The following AFF1 variants were observed in gnomAD, a reference collection of about 807,000 sequenced individuals.
The protein encoded by AFF1 is AF4/FMR2 family member 1.
Under a neutral mutation model 121.7 loss-of-function variants are expected in AFF1, and 48 were observed. The ratio of observed to expected loss-of-function variants is 0.39; its 90% CI spans 0.31 to 0.50. The LOEUF (loss-of-function observed/expected upper bound fraction) is 0.50. Among genes scored for constraint, AFF1 ranks in the 20% least tolerant of loss-of-function variants. The probability of loss-of-function intolerance (pLI) is 0.76; values close to 1 mark genes in which losing one functional copy is unlikely to be tolerated. For missense variants in AFF1, 1,523 were observed against 1,511.7 expected, an observed-to-expected ratio of 1.01 and a Z score of -0.12; for synonymous variants, 613 against 563.0, an observed-to-expected ratio of 1.09 and a Z score of -1.26.
In AFF1 at chr4:87,135,808, A is replaced by C; in HGVS notation, c.*107A>C. The stretch of plus-strand genomic sequence containing the variant: ...TCAGGACACCAAACTCTAAAAAAGA[A>C]GCACCACGAGATGGCCAGGACATTT... On this transcript the variant is annotated 3_prime_UTR_variant, in exon 21 of 21. Transcript: ENST00000395146. The C allele has an allele frequency of 7.1e-7, 1 of 1,400,382 alleles. No individual in the cohort carries two copies. The highest frequency in any genetic ancestry group is 9.4e-7 in the Non-Finnish European group (1 of 1,062,822). 86.7% of individuals were successfully genotyped at this position (1,400,382 alleles called of 1,614,324 possible). A position where few individuals can be genotyped will look rare whatever the true frequency, so the allele number is the denominator to read the frequency against.
At chr4:86,998,454 T>A (rs754156909) in intron 2 of AFF1, among the ~76,000 whole-genome samples, 1 of 152,258 alleles carries the variant, frequency 6.6e-6, no homozygotes, top group Non-Finnish European at 1.5e-5. Flanking sequence ...GTGTTCATTT[T>A]ATAACGTTTA....
chr4:87,091,836 A>G lies in AFF1; in HGVS notation c.1228+7A>G, dbSNP rs1724347375. Reference sequence around the variant, plus strand: ...TCTGTAACCCAAAACCAAAGTAAGTAAATTTGAAACTGCTTATTGGATTGG... The same window carrying G: ...TCTGTAACCCAAAACCAAAGTAAGTGAATTTGAAACTGCTTATTGGATTGG... On this transcript the variant is annotated splice_region_variant and intron_variant, in intron 7 of 20. Coordinates refer to ENST00000395146, the MANE Select transcript of AFF1 (RefSeq NM_001166693.3). 6.4e-7 allele frequency: 1 copy of G among 1,558,976 alleles called. No homozygotes were observed. Among genetic ancestry groups the G allele is most frequent in the Non-Finnish European group, 8.7e-7 (1 of 1,152,920 alleles).
At chr4:87,079,088 T>C (rs1722931672) in intron 4 of AFF1, among the ~76,000 whole-genome samples, 1 of 152,188 alleles carries the variant, frequency 6.6e-6, no homozygotes, top group Admixed American at 6.5e-5. Flanking sequence ...CAGAGCCAGA[T>C]CTAGAATCCA....
At chr4:87,078,694 T>A (rs149427418) in intron 4 of AFF1, among the ~76,000 whole-genome samples, 1 of 152,040 alleles carries the variant, frequency 6.6e-6, no homozygotes, top group East Asian at 1.9e-4. Flanking sequence ...AACTAGCGAG[T>A]TGGGGGTAGA....
At chr4:87,042,067 G>T (rs547823179) in intron 2 of AFF1, among the ~76,000 whole-genome samples, 1 of 150,466 alleles carries the variant, frequency 6.6e-6, no homozygotes, top group African/African-American at 2.4e-5. Flanking sequence ...GGTATTTGCC[G>T]CCTCCTAAAA....
intron 2 of AFF1, among the ~76,000 whole-genome samples, chr4:87,015,253 GCCT>G (rs1285796609): frequency 1.3e-5 from 2 of 152,046 alleles, no homozygotes; most frequent in African/African-American, 4.8e-5. Context: ...CTCCCCTCCA[GCCT>G]CCTTTTAGAG....
chr4:87,040,672 C>T (rs1730043674), intron 2 of AFF1, among the ~76,000 whole-genome samples: 1 of 151,168 alleles, frequency 6.6e-6, no homozygotes, highest in Non-Finnish European at 1.5e-5. Flanking sequence ...CAGGTTCAAA[C>T]AGTTCTCCTG....
At chr4:87,000,666 C>CTT (rs35729611) in intron 2 of AFF1, among the ~76,000 whole-genome samples, 20,294 of 144,736 alleles carry the variant, frequency 0.14, 1,858 homozygotes, top group Middle Eastern at 0.26. Flanking sequence ...GGAACTTGAG[C>CTT]TTGTTTGTAG....
At chr4:87,041,451 C>G (rs1031243346) in intron 2 of AFF1, among the ~76,000 whole-genome samples, 4 of 152,174 alleles carry the variant, frequency 2.6e-5, no homozygotes, top group African/African-American at 9.7e-5. Context: ...GGGCCCATGT[C>G]AGGCCTACTG....
At chr4:87,068,434 A>G (rs1395074600) in intron 4 of AFF1, among the ~76,000 whole-genome samples, 1 of 152,152 alleles carries the variant, frequency 6.6e-6, no homozygotes, top group East Asian at 1.9e-4. Flanking sequence ...TGGCTTAACT[A>G]TTTTGCTTGT....
intron 11 of AFF1, among the ~76,000 whole-genome samples, chr4:87,111,005 TTTTTTTA>T (rs1726450708): frequency 1.2e-4 from 3 of 25,284 alleles, no homozygotes; most frequent in African/African-American, 4.1e-4. Flanking sequence ...TTTATTTTTT[TTTTTTTA>T]TTTTTTTTTT....
intron 4 of AFF1, among the ~76,000 whole-genome samples, chr4:87,065,999 A>T (rs906294185): frequency 6.6e-6 from 1 of 152,164 alleles, no homozygotes; most frequent in Non-Finnish European, 1.5e-5. Context: ...TTCAAAGGAG[A>T]TTGAGGCTGG....
At chr4:86,993,196 A>G (rs1019900284) in intron 2 of AFF1, among the ~76,000 whole-genome samples, 19 of 152,218 alleles carry the variant, frequency 1.2e-4, no homozygotes, top group African/African-American at 3.9e-4. Flanking sequence ...CTTGGATTCA[A>G]ACATTTGCTA....
At chr4:87,045,089 C>T (rs1392197026) in intron 2 of AFF1, among the ~76,000 whole-genome samples, 1 of 151,714 alleles carries the variant, frequency 6.6e-6, no homozygotes, top group Non-Finnish European at 1.5e-5. Flanking sequence ...AGGCTTTTGT[C>T]AAAGGAAATA....
intron 2 of AFF1, among the ~76,000 whole-genome samples, chr4:87,040,929 G>A (rs1267251611): frequency 6.8e-5 from 9 of 131,962 alleles, no homozygotes; most frequent in African/African-American, 2.6e-4. Flanking sequence ...AGGCTGGAGT[G>A]CAGTGGCATG....
At chr4:87,011,426 A>G (rs942890743) in intron 2 of AFF1, among the ~76,000 whole-genome samples, 13 of 152,134 alleles carry the variant, frequency 8.5e-5, no homozygotes, top group African/African-American at 2.4e-4. Flanking sequence ...AGGGAGGGAA[A>G]GTTTTCCATT....
chr4:87,000,767 A>G (rs1352193413), intron 2 of AFF1, among the ~76,000 whole-genome samples: 2 of 152,112 alleles, frequency 1.3e-5, no homozygotes, highest in Non-Finnish European at 1.5e-5. Context: ...ATTAATGCAC[A>G]AATAGGAGGA....
intron 12 of AFF1, among the ~76,000 whole-genome samples, chr4:87,123,238 A>T (rs1727893752): frequency 6.6e-6 from 1 of 152,226 alleles, no homozygotes; most frequent in Admixed American, 6.5e-5. Context: ...CTAAAAGATT[A>T]CTTTAATCAA....
Position 87,047,248 on chromosome 4 carries a change from A to G in AFF1, c.713A>G (p.His238Arg), listed in dbSNP as rs769660235. 2 of 1,614,202 alleles carry G rather than the reference A, an allele frequency of 1.2e-6. No individual in the cohort carries two copies. Among genetic ancestry groups the G allele is most frequent in the Non-Finnish European group, 1.7e-6 (2 of 1,180,038 alleles). The change falls in exon 4 of 21, where the codon CAT becomes CGT. Residue 238 changes from histidine (H) to arginine (R), a missense_variant. This residue lies in a region of AFF1 where 369 missense variants were observed against 367.2 expected (regional missense o/e 1.00). Coordinates refer to ENST00000395146, the MANE Select transcript of AFF1 (RefSeq NM_001166693.3). Reference sequence around the variant, plus strand: ...CGGACGCAAGGAAGCAGCAAGGTTCATGGCAGCAGCAATAACAGTAAAGGC... The same window carrying G: ...CGGACGCAAGGAAGCAGCAAGGTTCGTGGCAGCAGCAATAACAGTAAAGGC... ...LPRTQGSSKV[H>R]GSSNNSKGYC...
Sources: allele counts gnomAD v4.1 joint callset (sites outside exome capture counted in the v4.1 genomes callset), GRCh38; gene constraint gnomAD v4.1.1; regional missense constraint gnomAD v4.1.1; transcripts MANE v1.5; gene names NCBI Gene and HGNC (gene_info 2026-07-23, HGNC 2026-07-21).